SOAT1: variants seen among roughly 807,000 people sequenced by gnomAD.
SOAT1 encodes acyl-coenzyme A:cholesterol acyltransferase 1.
Under a neutral mutation model 69.5 loss-of-function variants are expected in SOAT1, and 55 were observed. That is an observed-to-expected ratio of 0.79 (90% CI 0.64 to 0.99). The LOEUF (loss-of-function observed/expected upper bound fraction) is 0.99. SOAT1 is among the 50% of genes least tolerant of loss of function. SOAT1 has a pLI of 0.00. For missense variants in SOAT1, 580 were observed against 669.3 expected (o/e 0.87, Z 1.47); for synonymous variants, 231 against 224.7 (o/e 1.03, Z -0.25).
chr1:179,335,845 A>G (rs1463689584), intron 4 of SOAT1, among the ~76,000 whole-genome samples, 188 bp downstream of exon 4: 1 of 152,176 alleles, frequency 6.6e-6, no homozygotes, highest in Non-Finnish European at 1.5e-5. Context: ...CATATAAATT[A>G]TAACATACAT....
At chr1:179,337,971 T>C in intron 5 of SOAT1, 75 bp downstream of exon 5, 1 of 1,037,856 alleles carries the variant, frequency 9.6e-7, no homozygotes, top group South Asian at 1.6e-5. Context: ...GCTTAGTATA[T>C]GGACATGTAA....
At chr1:179,319,356 G>A (rs1005480321) in intron 2 of SOAT1, among the ~76,000 whole-genome samples, 4 of 145,900 alleles carry the variant, frequency 2.7e-5, no homozygotes, top group Non-Finnish European at 6.0e-5. Flanking sequence ...TGCAACCTCC[G>A]CCTCCTGGGT....
At chr1:179,324,723 T>C (rs1665719087) in intron 3 of SOAT1, among the ~76,000 whole-genome samples, 1 of 152,264 alleles carries the variant, frequency 6.6e-6, no homozygotes, top group Admixed American at 6.5e-5. Flanking sequence ...GGATTTGTTA[T>C]GCAACTTTTT....
intron 2 of SOAT1, among the ~76,000 whole-genome samples, chr1:179,314,707 G>A (rs542775186): frequency 6.6e-6 from 1 of 152,134 alleles, no homozygotes; most frequent in African/African-American, 2.4e-5. Flanking sequence ...ATGATAATAG[G>A]CGTGAGCCAG....
intron 11 of SOAT1, among the ~76,000 whole-genome samples, chr1:179,347,086 C>T (rs760016564): frequency 4.6e-5 from 7 of 151,876 alleles, no homozygotes; most frequent in African/African-American, 1.5e-4. Context: ...AGGCTGGGCG[C>T]GATGGCTCAC....
At chr1:179,352,815 T>C (rs1376452729) in intron 15 of SOAT1, among the ~76,000 whole-genome samples, 1 of 151,968 alleles carries the variant, frequency 6.6e-6, no homozygotes, top group Non-Finnish European at 1.5e-5. Flanking sequence ...GCCTCAACTC[T>C]CCCTCTTTAT....
intron 13 of SOAT1, among the ~76,000 whole-genome samples, chr1:179,349,624 G>GGTGAGAAACACTTTTCT (rs747335621): frequency 6.6e-6 from 1 of 152,162 alleles, no homozygotes; most frequent in African/African-American, 2.4e-5. Flanking sequence ...ACCGTGCCCG[G>GGTGAGAAACACTTTTCT]GTGAGAAACA....
intron 3 of SOAT1, among the ~76,000 whole-genome samples, chr1:179,333,337 A>G (rs1008571890): frequency 5.9e-4 from 89 of 151,978 alleles, no homozygotes. Context: ...AACCTGGCCA[A>G]TCAGACAGCC....
At chr1:179,340,021 C>T (rs547049313) in intron 6 of SOAT1, among the ~76,000 whole-genome samples, 3 of 152,234 alleles carry the variant, frequency 2.0e-5, no homozygotes, top group African/African-American at 7.2e-5. Flanking sequence ...CTGTGGGCCT[C>T]GAATTTGCAT....
At chr1:179,341,379 C>A (rs991908018) in intron 7 of SOAT1, 69 bp downstream of exon 7, 12 of 1,388,546 alleles carry the variant, frequency 8.6e-6, no homozygotes, top group African/African-American at 1.4e-5. Context: ...TGATGACATA[C>A]TGATACTATT....
chr1:179,343,787 G>C (rs1666424353), intron 10 of SOAT1, 152 bp downstream of exon 10: 1 of 609,482 alleles, frequency 1.6e-6, no homozygotes, highest in African/African-American at 1.9e-5. Context: ...TACGGTAAAT[G>C]GTGTTTGTTT....
Position 179,318,091 on chromosome 1 carries a change from C to T in SOAT1, c.119-5346C>T, listed in dbSNP as rs76661066. Among the ~76,000 whole-genome samples the T allele has an allele frequency of 5.9e-3, 895 of 151,844 alleles. 9 individuals carry two copies. Among genetic ancestry groups the T allele is most frequent in the African/African-American group, 0.02 (834 of 41,318 alleles). ...ACATCTATGGTCCCAGCTAGCGGGG[C>T]GGCTGATGCAGGAGGATCACTTGAG... On this transcript the variant is annotated intron_variant, in intron 2 of 15. Coordinates refer to ENST00000367619, the MANE Select transcript of SOAT1 (RefSeq NM_003101.6).
intron 1 of SOAT1, among the ~76,000 whole-genome samples, chr1:179,295,185 C>T (rs967138771): frequency 6.6e-6 from 1 of 152,184 alleles, no homozygotes; most frequent in African/African-American, 2.4e-5. Context: ...CACTTTCCTT[C>T]TGGCTTTCCA....
Position 179,337,867 on chromosome 1 carries a change from G to T in SOAT1, c.360G>T (p.Lys120Asn). Residue 120 changes from lysine to asparagine, a missense_variant, in exon 5 of 16, where the codon AAG becomes AAT. Physicochemically the swap from Lys to Asn is moderately conservative, Grantham distance 94. Coordinates refer to ENST00000367619, the MANE Select transcript of SOAT1 (RefSeq NM_003101.6). ...TGAGAGCACCTCCAGAACAAGGAAAGATTTTTATTGCAAGGCGCTCTCTCT... is the reference window on the plus strand; with the variant it reads ...TGAGAGCACCTCCAGAACAAGGAAATATTTTTATTGCAAGGCGCTCTCTCT... ...KDLRAPPEQG[K>N]IFIARRSLLD... 1 of 1,610,654 alleles carries T rather than the reference G, an allele frequency of 6.2e-7. No individual in the cohort carries two copies. The highest frequency in any genetic ancestry group is 8.5e-7 in the Non-Finnish European group (1 of 1,178,382).
chr1:179,323,468 G>A lies in SOAT1; in HGVS notation c.150G>A (p.Lys50=). 6.2e-7 allele frequency: 1 copy of A among 1,613,854 alleles called. No homozygotes were observed. The highest frequency in any genetic ancestry group is 8.5e-7 in the Non-Finnish European group (1 of 1,179,918). Residue 50 remains lysine (K), a synonymous_variant, in exon 3 of 16, where the codon AAG becomes AAA. Coordinates refer to ENST00000367619, the MANE Select transcript of SOAT1 (RefSeq NM_003101.6). ...GRIDIKQLIA[K]KIKLTAEAEE... ...TTGACATAAAACAGTTGATAGCAAA[G>A]AAGATAAAGTTGACAGCAGAGGCAG...
intron 12 of SOAT1, among the ~76,000 whole-genome samples, 175 bp downstream of exon 12, chr1:179,347,872 T>C (rs1666590056): frequency 6.6e-6 from 1 of 152,256 alleles, no homozygotes; most frequent in South Asian, 2.1e-4. Flanking sequence ...ATAACTAGCA[T>C]AACCTTGTGT....
At chr1:179,323,646 C>A in intron 3 of SOAT1, 151 bp downstream of exon 3, 1 of 675,110 alleles carries the variant, frequency 1.5e-6, no homozygotes. Context: ...GATCTGCTGA[C>A]TTGTCATCCT....
Position 179,355,527 on chromosome 1 carries a change from T to C in SOAT1, c.*1886T>C, listed in dbSNP as rs548959929. ...TGATCAAGGCTATTTTTCAAAAAGC[T>C]CTCTGCTTCCTGTTTGTTTGTTTGT... On this transcript the variant is annotated 3_prime_UTR_variant, in exon 16 of 16. Coordinates refer to ENST00000367619, the MANE Select transcript of SOAT1 (RefSeq NM_003101.6). The C allele has an allele frequency of 6.5e-6, 1 of 153,520 alleles. No homozygotes were observed. Among genetic ancestry groups the C allele is most frequent in the Non-Finnish European group, 1.4e-5 (1 of 69,230 alleles). 9.5% of individuals were successfully genotyped at this position (153,520 alleles called of 1,614,324 possible).
At chr1:179,335,854 A>T (rs1666131157) in intron 4 of SOAT1, among the ~76,000 whole-genome samples, 197 bp downstream of exon 4, 1 of 152,172 alleles carries the variant, frequency 6.6e-6, no homozygotes, top group Non-Finnish European at 1.5e-5. Flanking sequence ...TATAACATAC[A>T]TGCATACCTC....
Sources: gnomAD v4.1 joint callset for allele counts (sites outside exome capture counted in the v4.1 genomes callset) on GRCh38, gnomAD v4.1.1 for gene constraint, MANE v1.5 for transcripts, NCBI Gene and HGNC (gene_info 2026-07-23, HGNC 2026-07-21) for gene names.